The following LINGO2 variants were observed in gnomAD, a reference collection of about 807,000 sequenced individuals.
The protein encoded by LINGO2 is leucine-rich repeat and immunoglobulin-like domain-containing nogo receptor-interacting protein 2.
Under a neutral mutation model 30.6 loss-of-function variants are expected in LINGO2, and 14 were observed. That is an observed-to-expected ratio of 0.46 (90% confidence interval 0.30 to 0.72). LINGO2 has a LOEUF of 0.72. LINGO2 is among the 30% of genes least tolerant of loss of function. The pLI, the probability that LINGO2 is intolerant of heterozygous loss-of-function variation, is 0.07. For missense variants in LINGO2, 729 were observed against 751.7 expected, an observed-to-expected ratio of 0.97 and a Z score of 0.35; for synonymous variants, 317 against 288.5, an observed-to-expected ratio of 1.10 and a Z score of -1.00.
At chr9:28,326,871 A>C (rs1825248255) in intron 3 of LINGO2, among the ~76,000 whole-genome samples, 1 of 152,158 alleles carries the variant, frequency 6.6e-6, no homozygotes, top group Non-Finnish European at 1.5e-5. Flanking sequence ...CCCTGGACAC[A>C]TAAATACCAT....
At chr9:28,191,216 A>T (rs760841678) in intron 4 of LINGO2, among the ~76,000 whole-genome samples, 1 of 152,250 alleles carries the variant, frequency 6.6e-6, no homozygotes, top group Non-Finnish European at 1.5e-5. Context: ...GTGTAAAAAT[A>T]AATGAATAAA....
Position 28,149,940 on chromosome 9 carries a change from T to A in LINGO2, c.-86-137535A>T, listed in dbSNP as rs369030380. Among the ~76,000 whole-genome samples the A allele has an allele frequency of 4.0e-5, 6 of 149,738 alleles. No individual in the cohort carries two copies. In the South Asian group the frequency reaches 6.4e-4, roughly 16 times the overall value. On this transcript the variant is annotated intron_variant, in intron 4 of 5. Transcript: ENST00000379992. ...TCCTGTCTGCGAAGTGAGGAGTGCC[T>A]CTGCCTGGCCTCCTCACCGTCTGGG...
intron 4 of LINGO2, among the ~76,000 whole-genome samples, chr9:28,096,763 CTT>C (rs1826254177): frequency 6.6e-6 from 1 of 151,904 alleles, no homozygotes; most frequent in Non-Finnish European, 1.5e-5. Flanking sequence ...TATACTCAAA[CTT>C]ATATCTAAAC....
chr9:28,858,057 G>C, the LINGO2 span, among the ~76,000 whole-genome samples: 2 of 151,684 alleles, frequency 1.3e-5, no homozygotes, highest in African/African-American at 4.8e-5. Context: ...TATCTTCTTC[G>C]ACACAGGTAT....
the LINGO2 span, among the ~76,000 whole-genome samples, chr9:28,723,143 T>C: frequency 2.0e-5 from 3 of 152,128 alleles, no homozygotes; most frequent in African/African-American, 7.2e-5. Context: ...TTAATGTGCA[T>C]ACCAATGACC....
At chr9:28,210,832 A>C (rs968836476) in intron 4 of LINGO2, among the ~76,000 whole-genome samples, 1 of 151,452 alleles carries the variant, frequency 6.6e-6, no homozygotes, top group Non-Finnish European at 1.5e-5. Context: ...CTATCTGGTT[A>C]AACAGGAAGT....
chr9:29,172,190 T>C, the LINGO2 span, among the ~76,000 whole-genome samples: 1 of 151,992 alleles, frequency 6.6e-6, no homozygotes, highest in East Asian at 1.9e-4. Context: ...GATTAGAGTA[T>C]TTTTGATAGT....
chr9:28,509,220 C>T (rs149110570), intron 1 of LINGO2, among the ~76,000 whole-genome samples: 1 of 152,264 alleles, frequency 6.6e-6, no homozygotes, highest in East Asian at 1.9e-4. Flanking sequence ...CTGAGTGTGG[C>T]TTAATTTCCC....
the LINGO2 span, among the ~76,000 whole-genome samples, chr9:28,821,178 A>G: frequency 6.6e-6 from 1 of 152,216 alleles, no homozygotes; most frequent in Non-Finnish European, 1.5e-5. Flanking sequence ...CAAAGTGAGC[A>G]TCACACAGGG....
At chr9:28,759,088 A>C in the LINGO2 span, among the ~76,000 whole-genome samples, 1 of 152,186 alleles carries the variant, frequency 6.6e-6, no homozygotes, top group Non-Finnish European at 1.5e-5. Context: ...AGTTGCTGTC[A>C]GTGACCCAGT....
At chr9:28,523,917 T>C (rs1820920507) in intron 1 of LINGO2, among the ~76,000 whole-genome samples, 1 of 151,440 alleles carries the variant, frequency 6.6e-6, no homozygotes, top group African/African-American at 2.4e-5. Context: ...TAATTCAAAA[T>C]TGACAACCAG....
chr9:28,728,693 T>C, the LINGO2 span, among the ~76,000 whole-genome samples: 1 of 151,942 alleles, frequency 6.6e-6, no homozygotes, highest in African/African-American at 2.4e-5. Context: ...ACATTAAAGA[T>C]ATTTTTAAAA....
rs140885021 is a variant in LINGO2, at chr9:28,435,690, C to T, written c.-279+40250G>A. Reference sequence around the variant, plus strand: ...ATGGCTAGGATTAGAATGACAATATCCCTTCCTGGTTTTGTGTATCAAGTA... The same window carrying T: ...ATGGCTAGGATTAGAATGACAATATTCCTTCCTGGTTTTGTGTATCAAGTA... On this transcript the variant is annotated intron_variant, in intron 2 of 5. Transcript: ENST00000379992. Among the ~76,000 whole-genome samples, 570 of 152,274 alleles carry T rather than the reference C, an allele frequency of 3.7e-3. 4 individuals are homozygous for T. The highest frequency in any genetic ancestry group is 0.013 in the African/African-American group (543 of 41,566).
the LINGO2 span, among the ~76,000 whole-genome samples, chr9:28,704,153 A>G: frequency 6.6e-6 from 1 of 151,946 alleles, no homozygotes; most frequent in Non-Finnish European, 1.5e-5. Context: ...CTCAATATTT[A>G]CTTGTCTAAG....
intron 5 of LINGO2, among the ~76,000 whole-genome samples, chr9:27,997,844 C>T (rs1220870723): frequency 6.6e-6 from 1 of 151,784 alleles, no homozygotes; most frequent in Non-Finnish European, 1.5e-5. Context: ...GCAAATTATT[C>T]CTTCCCAAGT....
At chr9:28,963,675 G>T in the LINGO2 span, among the ~76,000 whole-genome samples, 1 of 151,746 alleles carries the variant, frequency 6.6e-6, no homozygotes, top group African/African-American at 2.4e-5. Flanking sequence ...AATAAGCCAG[G>T]TGCAGAAAGA....
In LINGO2 at chr9:28,427,990, C is replaced by CT. The variant is rs1160758330; in HGVS notation, c.-279+47949_-279+47950insA. Among the ~76,000 whole-genome samples the CT allele has an allele frequency of 5.3e-3, 813 of 152,272 alleles. 12 individuals are homozygous for CT. The highest frequency in any genetic ancestry group is 0.019 in the African/African-American group (777 of 41,552). On this transcript the variant is annotated intron_variant, in intron 2 of 5. Coordinates refer to ENST00000379992, the Ensembl canonical transcript of LINGO2. Reference sequence around the variant, plus strand: ...TTCTTTATTTCTGTAAACAGTATCACATCTGTTTCCTTTGCAGAGTCTCTG... The same window carrying CT: ...TTCTTTATTTCTGTAAACAGTATCACTATCTGTTTCCTTTGCAGAGTCTCTG...
intron 2 of LINGO2, among the ~76,000 whole-genome samples, chr9:28,455,603 C>CATGT (rs1052820483): frequency 1.2e-4 from 19 of 152,134 alleles, no homozygotes; most frequent in African/African-American, 4.6e-4. Context: ...GAGAAGGGAC[C>CATGT]ACATGAAGAG....
chr9:28,759,701 A>AAAGAAAATG, the LINGO2 span, among the ~76,000 whole-genome samples: 7 of 151,706 alleles, frequency 4.6e-5, no homozygotes, highest in African/African-American at 1.7e-4. Context: ...AAAAAAAAAG[A>AAAGAAAATG]AAGAAAATGT....
Sources: gnomAD v4.1 joint callset for allele counts (sites outside exome capture counted in the v4.1 genomes callset) on GRCh38, gnomAD v4.1.1 for gene constraint, MANE v1.5 for transcripts, NCBI Gene and HGNC (gene_info 2026-07-23, HGNC 2026-07-21) for gene names.